The following SPECC1 variants were observed in gnomAD, a reference collection of about 807,000 sequenced individuals.
SPECC1 encodes the protein sperm antigen with calponin homology and coiled-coil domains 1, also known as cytospin-B.
SPECC1 carries 62 observed loss-of-function variants against 104.1 expected under a neutral mutation model. The observed-to-expected ratio is 0.60, with a 90% CI of 0.49 to 0.74. SPECC1 has a LOEUF of 0.74. Ranked by LOEUF, SPECC1 falls within the 30% of genes least tolerant of loss-of-function variation. The probability of loss-of-function intolerance (pLI) is 0.00; values close to 1 mark genes in which losing one functional copy is unlikely to be tolerated. For synonymous variants in SPECC1, 513 were observed against 501.6 expected (o/e 1.02, Z -0.30); for missense variants, 1,306 against 1,310.5 (o/e 1.00, Z 0.05).
intron 10 of SPECC1, among the ~76,000 whole-genome samples, chr17:20,256,957 C>T (rs2526470): frequency 0.76 from 115,956 of 152,246 alleles, 45,386 homozygotes; most frequent in East Asian, 0.99. Context: ...AAGAGTGATT[C>T]CTACTTCTTG....
intron 3 of SPECC1, among the ~76,000 whole-genome samples, chr17:20,138,598 T>A (rs1180430230): frequency 1.3e-5 from 2 of 152,226 alleles, no homozygotes; most frequent in African/African-American, 4.8e-5. Context: ...TTTCCTAGAA[T>A]GTCACATAGT....
At chr17:20,244,098 GC>G (rs1193900465) in intron 7 of SPECC1, among the ~76,000 whole-genome samples, 1 of 152,028 alleles carries the variant, frequency 6.6e-6, no homozygotes, top group Non-Finnish European at 1.5e-5. Context: ...GCTGGTGCTT[GC>G]CTGTAGTCCC....
At chr17:20,131,922 G>A (rs2049664025) in intron 3 of SPECC1, among the ~76,000 whole-genome samples, 1 of 152,198 alleles carries the variant, frequency 6.6e-6, no homozygotes, top group African/African-American at 2.4e-5. Context: ...AAAGTGCTGG[G>A]ATTACAGGCG....
chr17:20,295,954 C>T (rs1207109176), intron 12 of SPECC1, among the ~76,000 whole-genome samples: 1 of 152,120 alleles, frequency 6.6e-6, no homozygotes, highest in Non-Finnish European at 1.5e-5. Flanking sequence ...TAAAAATTTT[C>T]TCCCATTCTG....
intron 3 of SPECC1, among the ~76,000 whole-genome samples, chr17:20,173,377 AGCT>A (rs1358319330): frequency 6.6e-6 from 1 of 152,250 alleles, no homozygotes; most frequent in Non-Finnish European, 1.5e-5. Flanking sequence ...TCTGTGAGAC[AGCT>A]GTGGTCACTT....
At chr17:20,025,679 C>T (rs2044571710) in intron 1 of SPECC1, among the ~76,000 whole-genome samples, 1 of 152,088 alleles carries the variant, frequency 6.6e-6, no homozygotes, top group Non-Finnish European at 1.5e-5. Flanking sequence ...TGCCCATGTA[C>T]AAGTTTTTAT....
chr17:20,062,239 C>T (rs1362496768), intron 1 of SPECC1, among the ~76,000 whole-genome samples: 1 of 140,120 alleles, frequency 7.1e-6, no homozygotes, highest in Non-Finnish European at 1.5e-5. Context: ...GGTGACAGAG[C>T]AAGACTCTGT....
chr17:20,094,828 A>G lies in SPECC1; in HGVS notation c.-21-1803A>G, dbSNP rs2047568838. On this transcript the variant is annotated intron_variant, in intron 1 of 14. Transcript: ENST00000395527. ...TTGCCCAGGCTGGTCTCAAACTCCTAGACTCAAGTGATCCTCCCACTTTGG... is the reference window on the plus strand; with the variant it reads ...TTGCCCAGGCTGGTCTCAAACTCCTGGACTCAAGTGATCCTCCCACTTTGG... Among the ~76,000 whole-genome samples, 5 of 152,270 alleles carry G rather than the reference A, an allele frequency of 3.3e-5. No individual in the cohort carries two copies. The South Asian group carries it at 6.2e-4, about 19-fold the overall frequency.
At chr17:20,013,454 T>G (rs2044009576) in intron 1 of SPECC1, among the ~76,000 whole-genome samples, 1 of 152,242 alleles carries the variant, frequency 6.6e-6, no homozygotes, top group South Asian at 2.1e-4. Flanking sequence ...TTTATATTTA[T>G]TTTGATTACT....
At chr17:20,047,162 C>T (rs754551502) in intron 1 of SPECC1, among the ~76,000 whole-genome samples, 1 of 152,182 alleles carries the variant, frequency 6.6e-6, no homozygotes, top group Non-Finnish European at 1.5e-5. Context: ...TGCTTGTGTT[C>T]TTTCATGTTG....
chr17:20,273,021 G>A (rs2040459189), intron 12 of SPECC1, among the ~76,000 whole-genome samples: 1 of 152,150 alleles, frequency 6.6e-6, no homozygotes, highest in South Asian at 2.1e-4. Flanking sequence ...CCTGGCCTGC[G>A]TATGAGGCCT....
Position 20,263,604 on chromosome 17 carries a change from C to T in SPECC1, c.2940+3310C>T, listed in dbSNP as rs138144952. Among the ~76,000 whole-genome samples, 219 of 151,318 alleles carry T rather than the reference C, an allele frequency of 1.4e-3. 1 individual carries two copies. The highest frequency in any genetic ancestry group is 5.2e-3 in the African/African-American group (213 of 41,294). ...GAAGTCAGAGGGAGGCAGCTGCCTG[C>T]AGGAGGTTTAGCGTAAAGAAAATAG... On this transcript the variant is annotated intron_variant, in intron 12 of 14. Coordinates refer to ENST00000395527, the MANE Select transcript of SPECC1 (RefSeq NM_001243439.2).
intron 12 of SPECC1, among the ~76,000 whole-genome samples, chr17:20,280,341 C>CTT: frequency 6.6e-6 from 1 of 152,334 alleles, no homozygotes; most frequent in African/African-American, 2.4e-5. Context: ...AAATACAAAA[C>CTT]TAAGGCAGCA....
At chr17:20,297,141 C>T in intron 13 of SPECC1, 64 bp downstream of exon 13, 5 of 1,425,158 alleles carry the variant, frequency 3.5e-6, no homozygotes, top group Non-Finnish European at 4.9e-6. Flanking sequence ...ATTGATAAAC[C>T]CCACTGTGGG....
intron 1 of SPECC1, among the ~76,000 whole-genome samples, chr17:20,088,775 A>C (rs953668597): frequency 6.6e-6 from 1 of 152,162 alleles, no homozygotes; most frequent in African/African-American, 2.4e-5. Flanking sequence ...TGTACCCCCC[A>C]AAATTTATCT....
rs1380519907 is a variant in SPECC1 at position 20,227,360 on chromosome 17, CTG to C, written c.1864-50_1864-49del. 3.9e-6 allele frequency: 6 copies of C among 1,528,694 alleles called. No individual in the cohort carries two copies. In the South Asian group the frequency reaches 4.7e-5, roughly 12 times the overall value. 94.7% of individuals were successfully genotyped at this position (1,528,694 alleles called of 1,614,324 possible). Reference sequence around the variant, plus strand: ...GCTTGGCCTTCTAGTGTACAGATCACTGTGGGAATTTTTTTGTTGTTAACTGA... The same window carrying C: ...GCTTGGCCTTCTAGTGTACAGATCACTGGGAATTTTTTTGTTGTTAACTGA... On this transcript the variant is annotated intron_variant, in intron 4 of 14. Coordinates refer to ENST00000395527, the MANE Select transcript of SPECC1 (RefSeq NM_001243439.2).
At chr17:20,207,278 A>C (rs1365478178) in intron 4 of SPECC1, among the ~76,000 whole-genome samples, 1 of 152,196 alleles carries the variant, frequency 6.6e-6, no homozygotes. Context: ...TGGCCATCTG[A>C]TGAGCTTAGT....
At position 20,090,367 on chromosome 17, in the gene SPECC1, A is replaced by G. The variant is rs567035429; in HGVS notation, c.-21-6264A>G. On this transcript the variant is annotated intron_variant, in intron 1 of 14. Coordinates refer to ENST00000395527, the MANE Select transcript of SPECC1 (RefSeq NM_001243439.2). Reference sequence around the variant, plus strand: ...TTCCGTTTTGCTTCTCCCTTTCATTACAAGCCCTGCCCACACCTTTGTAAA... The same window carrying G: ...TTCCGTTTTGCTTCTCCCTTTCATTGCAAGCCCTGCCCACACCTTTGTAAA... 2.6e-5 allele frequency among the ~76,000 whole-genome samples: 4 copies of G among 152,170 alleles called. No individual in the cohort carries two copies. In the South Asian group the frequency reaches 8.3e-4, roughly 32 times the overall value.
chr17:20,072,221 C>T (rs993219472), intron 1 of SPECC1, among the ~76,000 whole-genome samples: 1 of 152,228 alleles, frequency 6.6e-6, no homozygotes, highest in South Asian at 2.1e-4. Context: ...CGAGGTGATT[C>T]AAAACCATTC....
Sources: gnomAD v4.1 joint callset for allele counts (sites outside exome capture counted in the v4.1 genomes callset) on GRCh38, gnomAD v4.1.1 for gene constraint, MANE v1.5 for transcripts, NCBI Gene and HGNC (gene_info 2026-07-23, HGNC 2026-07-21) for gene names.